RHEB: variants seen among roughly 807,000 people sequenced by gnomAD.
RHEB encodes the protein GTP-binding protein Rheb.
A neutral mutation model predicts 28.8 loss-of-function variants in RHEB; 2 were observed. The observed-to-expected ratio is 0.07, with a 90% CI of 0.03 to 0.22. The LOEUF is 0.22. Among genes scored for constraint, RHEB ranks in the 10% least tolerant of loss-of-function variants. The pLI, the probability that RHEB is intolerant of heterozygous loss-of-function variation, is 1.00. For missense variants in RHEB, 76 were observed against 219.9 expected, an observed-to-expected ratio of 0.35 and a Z score of 4.14; for synonymous variants, 69 against 77.3, an observed-to-expected ratio of 0.89 and a Z score of 0.56.
rs1389963386 is a variant in RHEB at position 151,495,433 on chromosome 7, A to G, written c.53-4419T>C. Among the ~76,000 whole-genome samples the G allele has an allele frequency of 2.0e-5, 3 of 152,232 alleles. No homozygotes were observed. The East Asian group carries it at 5.8e-4, about 29-fold the overall frequency. On this transcript the variant is annotated intron_variant, in intron 1 of 7. Coordinates refer to ENST00000262187, the MANE Select transcript of RHEB (RefSeq NM_005614.4). ...TTTTAAAAATAAAAATTATTTTAAA[A>G]AATTCTTCTGAGCTTTTATCAGGGA...
At chr7:151,480,492 T>C (rs145328962) in intron 3 of RHEB, among the ~76,000 whole-genome samples, 186 of 147,066 alleles carry the variant, frequency 1.3e-3, no homozygotes, top group African/African-American at 4.5e-3. Flanking sequence ...ATGTGGTTGC[T>C]GGTGGGGGTG....
At chr7:151,488,699 T>G (rs1402820103) in intron 2 of RHEB, among the ~76,000 whole-genome samples, 1 of 152,202 alleles carries the variant, frequency 6.6e-6, no homozygotes, top group Non-Finnish European at 1.5e-5. Flanking sequence ...CAGACTTTAA[T>G]AAACAAGTAC....
intron 2 of RHEB, among the ~76,000 whole-genome samples, chr7:151,487,469 A>T (rs1472708065): frequency 6.6e-6 from 1 of 152,172 alleles, no homozygotes; most frequent in Non-Finnish European, 1.5e-5. Context: ...CAAGTCAAAA[A>T]AATGCAGAAG....
intron 4 of RHEB, among the ~76,000 whole-genome samples, chr7:151,473,815 A>G (rs1802211270): frequency 6.6e-6 from 1 of 152,368 alleles, no homozygotes; most frequent in African/African-American, 2.4e-5. Context: ...AAGTATGTGT[A>G]GACAGAGTTT....
At position 151,467,098 on chromosome 7, in the gene RHEB, T is replaced by A. The variant is rs1466771895; in HGVS notation, c.*21A>T. The A allele has an allele frequency of 1.9e-6, 3 of 1,570,618 alleles. No homozygotes were observed. The highest frequency in any genetic ancestry group is 2.6e-6 in the Non-Finnish European group (3 of 1,140,660). ...CTTCAGGTAGAATATATTCCCAGTG[T>A]CCTCAGGCTTTGCAGCAGAATCACA... On this transcript the variant is annotated 3_prime_UTR_variant, in exon 8 of 8. Coordinates refer to ENST00000262187, the MANE Select transcript of RHEB (RefSeq NM_005614.4).
intron 1 of RHEB, among the ~76,000 whole-genome samples, chr7:151,495,543 G>A (rs551020208): frequency 1.3e-5 from 2 of 152,300 alleles, no homozygotes; most frequent in East Asian, 3.9e-4. Context: ...TGTACTTTCA[G>A]GGGTGTTGAC....
In RHEB at chr7:151,486,893, G is replaced by T. The variant is rs1187846391; in HGVS notation, c.125-2089C>A. ...CAGGATGACTCCAAAGCTTCTGTAA[G>T]TTGCCACTTACAGGAAAGACTAGGG... On this transcript the variant is annotated intron_variant, in intron 2 of 7. Coordinates refer to ENST00000262187, the MANE Select transcript of RHEB (RefSeq NM_005614.4). Among the ~76,000 whole-genome samples, 3 of 152,204 alleles carry T rather than the reference G, an allele frequency of 2.0e-5. No homozygotes were observed. The East Asian group carries it at 5.8e-4, about 29-fold the overall frequency.
intron 1 of RHEB, among the ~76,000 whole-genome samples, chr7:151,492,999 C>T (rs1352956707): frequency 2.0e-5 from 3 of 151,876 alleles, no homozygotes; most frequent in Non-Finnish European, 4.4e-5. Flanking sequence ...GCCACCACAC[C>T]TGACTAATTT....
intron 4 of RHEB, among the ~76,000 whole-genome samples, chr7:151,473,890 A>T (rs1396202578): frequency 6.6e-6 from 1 of 152,194 alleles, no homozygotes. Flanking sequence ...GCTCCTTAAT[A>T]AGGTGTGCCA....
At position 151,468,408 on chromosome 7, in the gene RHEB, G is replaced by A. The variant is rs924567048; in HGVS notation, c.463-1197C>T. 6.6e-6 allele frequency among the ~76,000 whole-genome samples: 1 copy of A among 152,078 alleles called. No individual in the cohort carries two copies. Among genetic ancestry groups the A allele is most frequent in the Non-Finnish European group, 1.5e-5 (1 of 68,016 alleles). The stretch of plus-strand genomic sequence containing the variant: ...CAACTGTCGCTGGCACGGTGCCCGC[G>A]GCCACACCGTAAACGCTGCCCAGGG... On this transcript the variant is annotated intron_variant, in intron 7 of 7. Transcript: ENST00000262187. This position sits in a 1 kb window ranked among gnomAD's most constrained non-coding sequence, Gnocchi z 4.3.
intron 1 of RHEB, among the ~76,000 whole-genome samples, chr7:151,512,216 T>C (rs1563102274): frequency 6.6e-6 from 1 of 152,216 alleles, no homozygotes; most frequent in Admixed American, 6.5e-5. Context: ...AATCCAGCCA[T>C]GGACACTATT....
intron 4 of RHEB, among the ~76,000 whole-genome samples, chr7:151,476,807 A>G (rs1187405983): frequency 6.6e-6 from 1 of 152,216 alleles, no homozygotes; most frequent in African/African-American, 2.4e-5. Flanking sequence ...TCCTCCTGAT[A>G]ATACATGCCA....
At chr7:151,489,481 G>T (rs1419411322) in intron 2 of RHEB, among the ~76,000 whole-genome samples, 1 of 152,106 alleles carries the variant, frequency 6.6e-6, no homozygotes, top group African/African-American at 2.4e-5. Context: ...AATATTCCTG[G>T]AGTTAGTTTA....
At chr7:151,485,505 C>T (rs989200912) in intron 2 of RHEB, among the ~76,000 whole-genome samples, 2 of 152,170 alleles carry the variant, frequency 1.3e-5, no homozygotes, top group Admixed American at 6.5e-5. Context: ...AAAATAACCA[C>T]CTGGAACTCT....
chr7:151,503,311 G>T (rs1032942224), intron 1 of RHEB: 5 of 816,268 alleles, frequency 6.1e-6, no homozygotes, highest in Middle Eastern at 3.4e-4. Flanking sequence ...AAAATTTGGA[G>T]CTATGTTGGA....
chr7:151,497,496 T>C (rs765891054), intron 1 of RHEB, among the ~76,000 whole-genome samples: 7 of 152,278 alleles, frequency 4.6e-5, no homozygotes, highest in Middle Eastern at 3.4e-3. Context: ...CTCCAGCTCC[T>C]ACCAGCAACT....
At chr7:151,486,296 T>C (rs1173878570) in intron 2 of RHEB, among the ~76,000 whole-genome samples, 1 of 152,204 alleles carries the variant, frequency 6.6e-6, no homozygotes, top group African/African-American at 2.4e-5. Flanking sequence ...ACAAGGTTAC[T>C]GAAAGGAAAC....
At chr7:151,493,828 CAGGTAACAAAAAT>C (rs1802627780) in intron 1 of RHEB, among the ~76,000 whole-genome samples, 1 of 151,912 alleles carries the variant, frequency 6.6e-6, no homozygotes, top group Non-Finnish European at 1.5e-5. Context: ...AGAACTACTT[CAGGTAACAAAAAT>C]AGCAAGAAGA....
chr7:151,477,316 GGCA>G lies in RHEB; in HGVS notation c.275+14_275+16del. ...TATGAGTAGCAAATCAACTCAAGCA[GGCA>G]GCAGGAGTCTTACCTTTTGATTGAT... On this transcript the variant is annotated intron_variant, in intron 4 of 7. Coordinates refer to ENST00000262187, the MANE Select transcript of RHEB (RefSeq NM_005614.4). The G allele has an allele frequency of 6.9e-7, 1 of 1,454,884 alleles. No individual in the cohort carries two copies. The highest frequency in any genetic ancestry group is 2.3e-5 in the East Asian group (1 of 44,042). The allele number at this position is 1,454,884 out of a possible 1,614,324, so 90.1% of individuals were successfully genotyped here.
Sources: allele counts gnomAD v4.1 joint callset (sites outside exome capture counted in the v4.1 genomes callset), GRCh38; gene constraint gnomAD v4.1.1; non-coding constraint Gnocchi (gnomAD v3.1); transcripts MANE v1.5; gene names NCBI Gene and HGNC (gene_info 2026-07-23, HGNC 2026-07-21).